Variants in ANK2 observed in about 807,000 individuals in gnomAD.
ANK2 encodes ankyrin-2.
Under a neutral mutation model 360.5 loss-of-function variants are expected in ANK2, and 83 were observed. That is an observed-to-expected ratio of 0.23 (90% CI 0.19 to 0.28). The LOEUF (loss-of-function observed/expected upper bound fraction) is 0.28. Ranked by LOEUF, ANK2 falls within the 10% of genes least tolerant of loss-of-function variation. The pLI, the probability that ANK2 is intolerant of heterozygous loss-of-function variation, is 1.00. For missense variants in ANK2, 4,201 were observed against 4,795.7 expected, an observed-to-expected ratio of 0.88 and a Z score of 3.66; for synonymous variants, 1,740 against 1,759.5, an observed-to-expected ratio of 0.99 and a Z score of 0.28.
chr4:112,949,235 A>T (rs1171373734), intron 2 of ANK2, among the ~76,000 whole-genome samples: 1 of 152,158 alleles, frequency 6.6e-6, no homozygotes. Flanking sequence ...ACTTGCAAAC[A>T]TCTCCAAAGT....
chr4:112,776,744 A>G, the ANK2 span, among the ~76,000 whole-genome samples: 1 of 152,254 alleles, frequency 6.6e-6, no homozygotes, highest in African/African-American at 2.4e-5. Context: ...CATTATGCAC[A>G]TGTATTTGCA....
chr4:112,712,220 C>T, the ANK2 span, among the ~76,000 whole-genome samples: 4 of 150,040 alleles, frequency 2.7e-5, no homozygotes, highest in South Asian at 2.1e-4. Context: ...GCTGGGACTA[C>T]AGGCATGTGC....
At chr4:113,079,348 G>A (rs1271035468) in intron 1 of ANK2, among the ~76,000 whole-genome samples, 1 of 152,142 alleles carries the variant, frequency 6.6e-6, no homozygotes, top group Non-Finnish European at 1.5e-5. Context: ...GTGTTGTTTT[G>A]TGCTTTTTGC....
chr4:113,297,455 T>C (rs1294179712), intron 22 of ANK2, among the ~76,000 whole-genome samples: 4 of 152,160 alleles, frequency 2.6e-5, no homozygotes, highest in Non-Finnish European at 4.4e-5. Flanking sequence ...ATGTTTGAGG[T>C]GATGGATATC....
At chr4:113,134,281 C>CTTTTTT (rs5861124) in intron 1 of ANK2, among the ~76,000 whole-genome samples, 1 of 86,116 alleles carries the variant, frequency 1.2e-5, no homozygotes, top group Non-Finnish European at 2.2e-5. Context: ...TGAAAGTTGT[C>CTTTTTT]TTTTTTTTTT....
At chr4:113,374,406 T>G (rs2096852691) in intron 45 of ANK2, among the ~76,000 whole-genome samples, 1 of 152,334 alleles carries the variant, frequency 6.6e-6, no homozygotes, top group Admixed American at 6.5e-5. Context: ...GCTCCTCCTT[T>G]GAGGGCTAAT....
chr4:112,858,404 G>A (rs1460936327), intron 1 of ANK2, among the ~76,000 whole-genome samples: 1 of 152,078 alleles, frequency 6.6e-6, no homozygotes, highest in Non-Finnish European at 1.5e-5. Context: ...AACCTTGCAA[G>A]GTAGATATTA....
At chr4:112,731,564 C>T in the ANK2 span, among the ~76,000 whole-genome samples, 42 of 151,946 alleles carry the variant, frequency 2.8e-4, 1 homozygote, top group African/African-American at 1.0e-3. Context: ...ACCCCAATCT[C>T]TACAGAAAAT....
In ANK2 at chr4:113,257,298, G is replaced by T. The variant is rs558614677; in HGVS notation, c.1189-752G>T. On this transcript the variant is annotated intron_variant, in intron 11 of 45. Coordinates refer to ENST00000357077, the MANE Select transcript of ANK2 (RefSeq NM_001148.6). ...TTACTTAATTTGCCCCAATTCCTGG[G>T]CATTAGCCTAGTTCGCCAAGTTAGA... is the stretch of plus-strand genomic sequence containing the variant. Among the ~76,000 whole-genome samples, 7 of 152,294 alleles carry T rather than the reference G, an allele frequency of 4.6e-5. No individual in the cohort carries two copies. In the East Asian group the frequency reaches 1.2e-3, roughly 25 times the overall value.
intron 26 of ANK2, among the ~76,000 whole-genome samples, chr4:113,328,337 A>G (rs1451821870): frequency 1.3e-5 from 2 of 152,212 alleles, no homozygotes; most frequent in African/African-American, 4.8e-5. Context: ...AAGTAGCACT[A>G]GTTGAAACTT....
chr4:113,321,075 C>T (rs1434447916), intron 26 of ANK2, among the ~76,000 whole-genome samples: 1 of 152,198 alleles, frequency 6.6e-6, no homozygotes, highest in Non-Finnish European at 1.5e-5. Context: ...GGGAGTCAGA[C>T]CTGTCAGAAT....
intron 1 of ANK2, among the ~76,000 whole-genome samples, chr4:113,148,665 G>A (rs1210813173): frequency 1.3e-5 from 2 of 152,202 alleles, no homozygotes; most frequent in Non-Finnish European, 2.9e-5. Context: ...GCTAGGTATA[G>A]TTTTGAATGC....
intron 2 of ANK2, among the ~76,000 whole-genome samples, chr4:113,006,364 T>A (rs917645793): frequency 1.3e-5 from 2 of 151,948 alleles, no homozygotes; most frequent in Non-Finnish European, 2.9e-5. Flanking sequence ...TAAAAATAAG[T>A]AAAAGAGATG....
In ANK2 at chr4:113,292,412, A is replaced by C; in HGVS notation, c.2278-4A>C. 6.2e-7 allele frequency: 1 copy of C among 1,608,746 alleles called. No individual in the cohort carries two copies. Among genetic ancestry groups the C allele is most frequent in the Non-Finnish European group, 8.5e-7 (1 of 1,177,454 alleles). On this transcript the variant is annotated splice_region_variant and splice_polypyrimidine_tract_variant and intron_variant, in intron 20 of 45. Coordinates refer to ENST00000357077, the MANE Select transcript of ANK2 (RefSeq NM_001148.6). ...GCTGGGCCCGCCACCACTGTCCTCCACAGAACGGCTACACGCCTTTGCACC... is the reference window on the plus strand; with the variant it reads ...GCTGGGCCCGCCACCACTGTCCTCCCCAGAACGGCTACACGCCTTTGCACC...
intron 2 of ANK2, among the ~76,000 whole-genome samples, chr4:113,015,855 GAATAACA>G (rs2056462800): frequency 2.6e-5 from 4 of 152,148 alleles, no homozygotes; most frequent in Admixed American, 2.0e-4. Flanking sequence ...AAGGTTTGAT[GAATAACA>G]AATAGCACAT....
chr4:112,861,839 CAGAGAGAGAG>C (rs141841376), intron 1 of ANK2, among the ~76,000 whole-genome samples: 2,606 of 140,504 alleles, frequency 0.019, 71 homozygotes, highest in African/African-American at 0.062. Context: ...TACATAGAGA[CAGAGAGAGAG>C]AGAGAGAGAG....
At chr4:113,194,763 T>A (rs1584528658) in intron 2 of ANK2, among the ~76,000 whole-genome samples, 1 of 152,286 alleles carries the variant, frequency 6.6e-6, no homozygotes, top group East Asian at 1.9e-4. Context: ...AAGAGCTCAA[T>A]AAATATTTGC....
In ANK2 at chr4:113,355,092, G is replaced by A; in HGVS notation, c.6474G>A (p.Glu2158=). 6.2e-7 allele frequency: 1 copy of A among 1,614,106 alleles called. No homozygotes were observed. Among genetic ancestry groups the A allele is most frequent in the South Asian group, 1.1e-5 (1 of 91,084 alleles). Residue 2158 remains glutamate (E), a synonymous_variant, in exon 38 of 46, where the codon GAG becomes GAA. Transcript: ENST00000357077. ...ACCAACAATTCCGCCTGAGTGAGGA[G>A]ACAGAAAAGGCACAGCTTCACTTAG... ...DKYQQFRLSE[E]TEKAQLHLDQ... is the part of the protein sequence containing the mutation.
intron 1 of ANK2, among the ~76,000 whole-genome samples, chr4:112,840,386 G>C (rs2061839922): frequency 6.6e-6 from 1 of 152,274 alleles, no homozygotes; most frequent in Non-Finnish European, 1.5e-5. Context: ...CAATTTGCCT[G>C]GCTTGAAGGT....
Sources: allele counts gnomAD v4.1 joint callset (sites outside exome capture counted in the v4.1 genomes callset), GRCh38; gene constraint gnomAD v4.1.1; transcripts MANE v1.5; gene names NCBI Gene and HGNC (gene_info 2026-07-23, HGNC 2026-07-21).